The following SPATS1 variants were observed in gnomAD, a reference collection of about 807,000 sequenced individuals.
SPATS1 encodes the protein spermatogenesis associated serine rich 1, also known as spermatogenesis-associated serine-rich protein 1.
In SPATS1, 23 loss-of-function variants were observed where a neutral mutation model predicts 33.6. The observed-to-expected ratio is 0.68, with a 90% CI of 0.49 to 0.97. The LOEUF (loss-of-function observed/expected upper bound fraction) is 0.97. SPATS1 is among the 50% of genes least tolerant of loss of function. The pLI, the probability that SPATS1 is intolerant of heterozygous loss-of-function variation, is 0.00. For synonymous variants in SPATS1, 131 were observed against 125.6 expected (o/e 1.04, Z -0.29); for missense variants, 327 against 361.0 (o/e 0.91, Z 0.76).
chr6:44,378,642 G>C lies in SPATS1; in HGVS notation c.*1579G>C, dbSNP rs1240633676. The C allele has an allele frequency of 6.6e-6, 1 of 152,236 alleles. No homozygotes were observed. The allele number at this position is 152,236 out of a possible 1,614,324, so 9.4% of individuals were successfully genotyped here. On this transcript the variant is annotated 3_prime_UTR_variant, in exon 9 of 9. Transcript: ENST00000674044. ...AAAAATTAGCCAGGCAAGATGGTGG[G>C]CACCTGTAATCCCTGGTACTCGGGA...
Position 44,342,689 on chromosome 6 carries a change from C to T in SPATS1, c.-80C>T, listed in dbSNP as rs1787628491. ...TGGGAGAAGCAGGCGGCTGCGGTGT[C>T]CCTTTTGCCCTAGGCTCTCGGTTCT... is the stretch of plus-strand genomic sequence containing the variant. On this transcript the variant is annotated 5_prime_UTR_variant, in exon 1 of 9. Transcript: ENST00000674044. 1 of 457,680 alleles carries T rather than the reference C, an allele frequency of 2.2e-6. No homozygotes were observed. Among genetic ancestry groups the T allele is most frequent in the African/African-American group, 2.0e-5 (1 of 50,172 alleles). 28.4% of individuals were successfully genotyped at this position (457,680 alleles called of 1,614,324 possible).
intron 3 of SPATS1, among the ~76,000 whole-genome samples, chr6:44,359,390 A>T (rs1408175195): frequency 1.3e-5 from 2 of 152,208 alleles, no homozygotes; most frequent in African/African-American, 4.8e-5. Flanking sequence ...CATAGCAATA[A>T]CTTGCCATTC....
In SPATS1 at chr6:44,354,764, T is replaced by G. The variant is rs889588269; in HGVS notation, c.287+1891T>G. Reference sequence around the variant, plus strand: ...CTCACTCTTGGTGTTGCACAGTCTATGGGTTTGGACAAATGTATAATGGCA... The same window carrying G: ...CTCACTCTTGGTGTTGCACAGTCTAGGGGTTTGGACAAATGTATAATGGCA... On this transcript the variant is annotated intron_variant, in intron 3 of 8. Transcript: ENST00000674044. Among the ~76,000 whole-genome samples, 3 of 152,288 alleles carry G rather than the reference T, an allele frequency of 2.0e-5. No individual in the cohort carries two copies. The South Asian group carries it at 6.2e-4, about 32-fold the overall frequency.
intron 7 of SPATS1, among the ~76,000 whole-genome samples, chr6:44,371,664 G>A (rs1010852815): frequency 5.3e-5 from 8 of 151,928 alleles, no homozygotes; most frequent in African/African-American, 1.9e-4. Context: ...TTTGTTTGTG[G>A]GCTGGGCGCG....
intron 2 of SPATS1, among the ~76,000 whole-genome samples, chr6:44,348,636 T>A (rs6911823): frequency 1.3e-5 from 2 of 152,140 alleles, no homozygotes; most frequent in South Asian, 2.1e-4. Context: ...TTTTGCTGTA[T>A]GAGCACTGAA....
chr6:44,345,832 A>G (rs770767492), intron 2 of SPATS1, among the ~76,000 whole-genome samples: 44 of 152,198 alleles, frequency 2.9e-4, no homozygotes, highest in African/African-American at 1.0e-3. Context: ...TGCACTTCTC[A>G]TAGGCTTCGG....
intron 2 of SPATS1, among the ~76,000 whole-genome samples, chr6:44,352,066 C>T (rs1561955209): frequency 6.6e-6 from 1 of 152,154 alleles, no homozygotes; most frequent in African/African-American, 2.4e-5. Flanking sequence ...CAGTCTAGTA[C>T]AGGGCTTAGA....
intron 2 of SPATS1, among the ~76,000 whole-genome samples, chr6:44,352,200 G>A (rs752588052): frequency 1.3e-5 from 2 of 151,906 alleles, no homozygotes; most frequent in African/African-American, 2.4e-5. Flanking sequence ...ATGTGATCTC[G>A]GCTCACTGCA....
At position 44,377,210 on chromosome 6, in the gene SPATS1, G is replaced by T; in HGVS notation, c.*147G>T. The T allele has an allele frequency of 1.1e-6, 1 of 943,694 alleles. No homozygotes were observed. The highest frequency in any genetic ancestry group is 1.6e-6 in the Non-Finnish European group (1 of 622,858). The allele number at this position is 943,694 out of a possible 1,614,324, so 58.5% of individuals were successfully genotyped here. On this transcript the variant is annotated 3_prime_UTR_variant, in exon 9 of 9. Transcript: ENST00000674044. ...TTGCTTTTTTAAAACTTTATATTTTGAAAACTTTCACATTTACATAAAAGT... is the reference window on the plus strand; with the variant it reads ...TTGCTTTTTTAAAACTTTATATTTTTAAAACTTTCACATTTACATAAAAGT...
At chr6:44,368,948 G>C (rs576200642) in intron 6 of SPATS1, among the ~76,000 whole-genome samples, 2 of 149,608 alleles carry the variant, frequency 1.3e-5, no homozygotes, top group Non-Finnish European at 3.0e-5. Flanking sequence ...CCTGGCTGGA[G>C]TGCAGTGGTG....
At chr6:44,370,505 A>G (rs1313338700) in intron 7 of SPATS1, among the ~76,000 whole-genome samples, 1 of 152,192 alleles carries the variant, frequency 6.6e-6, no homozygotes, top group Non-Finnish European at 1.5e-5. Flanking sequence ...GAAAGCTAAC[A>G]GAGCACTTCT....
chr6:44,372,179 G>T (rs1290963607), intron 7 of SPATS1, among the ~76,000 whole-genome samples: 1 of 150,704 alleles, frequency 6.6e-6, no homozygotes, highest in African/African-American at 2.4e-5. Context: ...ACTTGAACCC[G>T]GGAGGCAAAG....
chr6:44,370,606 T>C (rs1428974642), intron 7 of SPATS1, among the ~76,000 whole-genome samples: 1 of 152,226 alleles, frequency 6.6e-6, no homozygotes, highest in Non-Finnish European at 1.5e-5. Context: ...GTTTCTGACC[T>C]ATAAAGAGAT....
intron 2 of SPATS1, among the ~76,000 whole-genome samples, chr6:44,348,804 G>A (rs1561954267): frequency 6.6e-6 from 1 of 152,110 alleles, no homozygotes; most frequent in East Asian, 1.9e-4. Flanking sequence ...TAAGAGACCA[G>A]CCTGGCCAAT....
chr6:44,360,807 G>A (rs1444738565), intron 4 of SPATS1, among the ~76,000 whole-genome samples: 1 of 152,108 alleles, frequency 6.6e-6, no homozygotes, highest in Non-Finnish European at 1.5e-5. Context: ...GAAGTATATA[G>A]AGTATAAAAA....
intron 5 of SPATS1, among the ~76,000 whole-genome samples, chr6:44,365,793 T>C (rs1345499276): frequency 6.6e-6 from 1 of 152,232 alleles, no homozygotes; most frequent in Non-Finnish European, 1.5e-5. Context: ...TCCCATTTTC[T>C]ACCTCCTGAA....
chr6:44,348,262 G>A (rs1173392033), intron 2 of SPATS1, among the ~76,000 whole-genome samples: 1 of 151,968 alleles, frequency 6.6e-6, no homozygotes, highest in Non-Finnish European at 1.5e-5. Context: ...ACCTGCCTTG[G>A]CCTCCCAAAG....
intron 5 of SPATS1, among the ~76,000 whole-genome samples, chr6:44,367,232 C>A (rs924376895): frequency 6.6e-6 from 1 of 152,142 alleles, no homozygotes; most frequent in South Asian, 2.1e-4. Flanking sequence ...GGATTACTGG[C>A]GTGTGCCACC....
chr6:44,353,120 ATTGAGTT>A (rs1479079286), intron 3 of SPATS1, among the ~76,000 whole-genome samples: 3 of 152,208 alleles, frequency 2.0e-5, no homozygotes, highest in African/African-American at 4.8e-5. Context: ...GTGAGGATTA[ATTGAGTT>A]AATAGCTGGA....
Sources: gnomAD v4.1 joint callset for allele counts (sites outside exome capture counted in the v4.1 genomes callset) on GRCh38, gnomAD v4.1.1 for gene constraint, MANE v1.5 for transcripts, NCBI Gene and HGNC (gene_info 2026-07-23, HGNC 2026-07-21) for gene names.